SPICE1: variants seen among roughly 807,000 people sequenced by gnomAD.
SPICE1 encodes the protein spindle and centriole-associated protein 1.
In SPICE1, 75 loss-of-function variants were observed where a neutral mutation model predicts 102.7. That is an observed-to-expected ratio of 0.73 (90% CI 0.61 to 0.88). SPICE1 has a LOEUF of 0.88. Among genes scored for constraint, SPICE1 ranks in the 40% least tolerant of loss-of-function variants. The probability of loss-of-function intolerance (pLI) is 0.00; values close to 1 mark genes in which losing one functional copy is unlikely to be tolerated. For synonymous variants in SPICE1, 308 were observed against 350.3 expected (o/e 0.88, Z 1.35); for missense variants, 979 against 1,020.1 (o/e 0.96, Z 0.55).
At chr3:113,465,825 CAT>C (rs757850549) in intron 10 of SPICE1, 41 bp from the exon 11 acceptor site, 23 of 1,593,702 alleles carry the variant, frequency 1.4e-5, no homozygotes, top group Non-Finnish European at 1.8e-5. Flanking sequence ...AATAGCATCA[CAT>C]GTTGAAAACT....
rs1237915630 is a variant in SPICE1, at chr3:113,504,184, G to A, written c.100-957C>T. Reference sequence around the variant, plus strand: ...TGTAAATAGCACCCCTTGAAATTGTGTGGTACACAGGCTGCACAGCTCTAA... The same window carrying A: ...TGTAAATAGCACCCCTTGAAATTGTATGGTACACAGGCTGCACAGCTCTAA... On this transcript the variant is annotated intron_variant, in intron 2 of 17. Coordinates refer to ENST00000295872, the MANE Select transcript of SPICE1 (RefSeq NM_144718.4). 2.0e-5 allele frequency among the ~76,000 whole-genome samples: 3 copies of A among 152,150 alleles called. 1 individual carries two copies. The highest frequency in any genetic ancestry group is 4.1e-4 in the South Asian group (2 of 4,832).
At chr3:113,455,284 C>T (rs1191409158) in intron 13 of SPICE1, among the ~76,000 whole-genome samples, 1 of 152,156 alleles carries the variant, frequency 6.6e-6, no homozygotes, top group Non-Finnish European at 1.5e-5. Context: ...CACACAGACA[C>T]ACACACCCAC....
intron 7 of SPICE1, among the ~76,000 whole-genome samples, chr3:113,481,368 T>C (rs972949637): frequency 1.3e-5 from 2 of 151,786 alleles, no homozygotes; most frequent in Non-Finnish European, 2.9e-5. Flanking sequence ...ATGAGAGAAA[T>C]GTTAAGACGC....
chr3:113,488,485 G>C (rs1481209175), intron 7 of SPICE1, among the ~76,000 whole-genome samples: 1 of 152,170 alleles, frequency 6.6e-6, no homozygotes, highest in African/African-American at 2.4e-5. Context: ...ATTATTCTAA[G>C]TGAAGTAACT....
rs148179257 is a variant in SPICE1, at chr3:113,469,239, C to A, written c.612-1G>T. On this transcript the variant is annotated splice_acceptor_variant, in intron 7 of 17. Coordinates refer to ENST00000295872, the MANE Select transcript of SPICE1 (RefSeq NM_144718.4). LOFTEE classifies it high-confidence loss of function. Reference sequence around the variant, plus strand: ...CTCTTCTGTTAGTTGTTGGAGAAACCTATAAATTACAGGACAATAAGCTAC... The same window carrying A: ...CTCTTCTGTTAGTTGTTGGAGAAACATATAAATTACAGGACAATAAGCTAC... 3 of 1,540,106 alleles carry A rather than the reference C, an allele frequency of 1.9e-6. No individual in the cohort carries two copies. The highest frequency in any genetic ancestry group is 1.8e-6 in the Non-Finnish European group (2 of 1,138,586).
chr3:113,512,385 C>T (rs554805130), intron 1 of SPICE1, among the ~76,000 whole-genome samples: 1 of 151,560 alleles, frequency 6.6e-6, no homozygotes, highest in South Asian at 2.1e-4. Flanking sequence ...TCTGACCCCA[C>T]CTTTGCACTG....
At chr3:113,480,241 C>G (rs997336527) in intron 7 of SPICE1, among the ~76,000 whole-genome samples, 1 of 150,332 alleles carries the variant, frequency 6.7e-6, no homozygotes, top group African/African-American at 2.4e-5. Flanking sequence ...AAAAAAGCAC[C>G]ATGCGCAAAT....
chr3:113,485,089 TGCCTACCCCA>T (rs1936612300), intron 7 of SPICE1, among the ~76,000 whole-genome samples: 1 of 151,864 alleles, frequency 6.6e-6, no homozygotes, highest in Admixed American at 6.6e-5. Flanking sequence ...CTCCCTCCAG[TGCCTACCCCA>T]GCAGGGTCCT....
At chr3:113,513,474 T>C (rs942173625) in intron 1 of SPICE1, among the ~76,000 whole-genome samples, 3 of 149,942 alleles carry the variant, frequency 2.0e-5, no homozygotes, top group African/African-American at 7.3e-5. Flanking sequence ...ACCTACTATA[T>C]ACATCTCCCA....
intron 8 of SPICE1, 70 bp from the exon 9 acceptor site, chr3:113,468,969 G>A: frequency 6.4e-7 from 1 of 1,567,978 alleles, no homozygotes; most frequent in Admixed American, 1.9e-5. Flanking sequence ...TCAATTGACA[G>A]ATCCATCAGT....
intron 6 of SPICE1, among the ~76,000 whole-genome samples, chr3:113,489,307 T>C (rs1030376247): frequency 4.6e-5 from 7 of 152,302 alleles, no homozygotes; most frequent in South Asian, 2.1e-4. Flanking sequence ...GCCTCTCCCA[T>C]CTTAACCTGA....
intron 4 of SPICE1, among the ~76,000 whole-genome samples, chr3:113,497,998 T>A (rs1936934198): frequency 6.6e-6 from 1 of 151,622 alleles, no homozygotes; most frequent in Admixed American, 6.6e-5. Flanking sequence ...CACCTCAGCC[T>A]CCCAAGTAGC....
chr3:113,458,162 TCCC>T (rs1284927263), intron 12 of SPICE1, among the ~76,000 whole-genome samples: 4 of 70 alleles, frequency 0.057, no homozygotes, highest in African/African-American at 0.17. Context: ...TAATTCTGGC[TCCC>T]TCTCCCGTCT....
chr3:113,446,549 C>T (rs750709393), intron 17 of SPICE1, 40 bp downstream of exon 17: 11 of 1,451,408 alleles, frequency 7.6e-6, no homozygotes, highest in South Asian at 1.2e-5. Flanking sequence ...CTTCTACCCT[C>T]ACCCCTATAT....
chr3:113,471,625 C>G (rs1192356804), intron 7 of SPICE1, among the ~76,000 whole-genome samples: 1 of 151,908 alleles, frequency 6.6e-6, no homozygotes, highest in East Asian at 1.9e-4. Context: ...TTAATTGTAG[C>G]TATAAGACAA....
intron 15 of SPICE1, among the ~76,000 whole-genome samples, chr3:113,448,478 T>G (rs1000609961): frequency 6.6e-6 from 1 of 151,316 alleles, no homozygotes. Context: ...TTACCTAAAG[T>G]TTTCCCAAAA....
At chr3:113,450,204 T>C in intron 15 of SPICE1, 132 bp downstream of exon 15, 2 of 930,330 alleles carry the variant, frequency 2.1e-6, no homozygotes, top group Non-Finnish European at 3.3e-6. Context: ...TAGGGCTATT[T>C]CTTTCTGTGC....
chr3:113,463,993 G>A (rs895402188), intron 11 of SPICE1, among the ~76,000 whole-genome samples: 4 of 151,896 alleles, frequency 2.6e-5, no homozygotes, highest in African/African-American at 9.7e-5. Flanking sequence ...GCGTGAACAC[G>A]AGAGGCAGAG....
intron 7 of SPICE1, among the ~76,000 whole-genome samples, chr3:113,478,304 A>G (rs1366365928): frequency 6.6e-6 from 1 of 152,190 alleles, no homozygotes; most frequent in Non-Finnish European, 1.5e-5. Flanking sequence ...TGTATACAAG[A>G]GACATACTTA....
Sources: gnomAD v4.1 joint callset for allele counts (sites outside exome capture counted in the v4.1 genomes callset) on GRCh38, gnomAD v4.1.1 for gene constraint, MANE v1.5 for transcripts, NCBI Gene and HGNC (gene_info 2026-07-23, HGNC 2026-07-21) for gene names.